Variants in CHSY3 observed in about 807,000 individuals in gnomAD.
The protein encoded by CHSY3 is chondroitin sulfate synthase 3.
Under a neutral mutation model 67.2 loss-of-function variants are expected in CHSY3, and 35 were observed. The ratio of observed to expected loss-of-function variants is 0.52; its 90% CI spans 0.40 to 0.69. CHSY3 has a LOEUF of 0.69. Ranked by LOEUF, CHSY3 falls within the 30% of genes least tolerant of loss-of-function variation. CHSY3 has a pLI of 0.00. For missense variants in CHSY3, 1,069 were observed against 1,138.5 expected, an observed-to-expected ratio of 0.94 and a Z score of 0.88; for synonymous variants, 474 against 434.7, an observed-to-expected ratio of 1.09 and a Z score of -1.12.
intron 2 of CHSY3, among the ~76,000 whole-genome samples, chr5:130,057,502 G>A (rs1170114698): frequency 6.6e-6 from 1 of 152,080 alleles, no homozygotes; most frequent in African/African-American, 2.4e-5. Flanking sequence ...GATGCTTTTA[G>A]AAGGAAAATC....
chr5:129,962,558 A>T (rs1445354615), intron 2 of CHSY3, among the ~76,000 whole-genome samples: 1 of 151,970 alleles, frequency 6.6e-6, no homozygotes, highest in Non-Finnish European at 1.5e-5. Context: ...TGTTTCCCAT[A>T]AAACACAATA....
At chr5:130,059,407 C>A (rs192897396) in intron 2 of CHSY3, among the ~76,000 whole-genome samples, 1 of 152,024 alleles carries the variant, frequency 6.6e-6, no homozygotes, top group African/African-American at 2.4e-5. Flanking sequence ...CTCTCTCTCT[C>A]GCTCTTCCTC....
intron 2 of CHSY3, among the ~76,000 whole-genome samples, chr5:130,044,790 C>T (rs1347000789): frequency 6.6e-6 from 1 of 151,936 alleles, no homozygotes; most frequent in Non-Finnish European, 1.5e-5. Context: ...TTACTGGAGG[C>T]GACAAAGTCA....
At chr5:130,133,796 GA>G (rs375900326) in intron 2 of CHSY3, among the ~76,000 whole-genome samples, 31,641 of 97,292 alleles carry the variant, frequency 0.33, 4,895 homozygotes, top group South Asian at 0.56. Flanking sequence ...AAAAAAAAAA[GA>G]AAAAAAAAAA....
Position 130,184,710 on chromosome 5 carries a change from A to G in CHSY3, c.1568A>G (p.Gln523Arg). 3 of 1,610,130 alleles carry G rather than the reference A, an allele frequency of 1.9e-6. No homozygotes were observed. The change falls in exon 3 of 3, where the codon CAG becomes CGG. Residue 523 changes from glutamine to arginine, a missense_variant. By Grantham distance (43) the Gln-to-Arg change is conservative. This residue lies in a region of CHSY3 where 401 missense variants were observed against 395.2 expected (regional missense o/e 1.01). Transcript: ENST00000305031. ...RGRLIDFKEIQYGYRRVNPMH... is the reference protein window; with the variant it reads ...RGRLIDFKEIRYGYRRVNPMH... ...CGGCTCATTGACTTCAAGGAAATTC[A>G]GTATGGCTACCGCAGAGTTAACCCC...
At chr5:129,939,595 A>G (rs1043893649) in intron 2 of CHSY3, among the ~76,000 whole-genome samples, 5 of 152,232 alleles carry the variant, frequency 3.3e-5, no homozygotes, top group Admixed American at 2.6e-4. Context: ...TCTCCAAATA[A>G]GAAATGAAAA....
chr5:130,086,912 A>C (rs555601941), intron 2 of CHSY3, among the ~76,000 whole-genome samples: 14 of 151,894 alleles, frequency 9.2e-5, no homozygotes, highest in South Asian at 4.1e-4. Flanking sequence ...GAGACACAAC[A>C]AAAAAAGAGA....
intron 2 of CHSY3, among the ~76,000 whole-genome samples, chr5:130,118,028 A>T (rs937109258): frequency 6.6e-6 from 1 of 152,048 alleles, no homozygotes; most frequent in African/African-American, 2.4e-5. Context: ...TTAAAAGAAC[A>T]TGCCACTCCC....
intron 2 of CHSY3, among the ~76,000 whole-genome samples, chr5:130,109,778 C>T (rs751052327): frequency 1.3e-5 from 2 of 151,702 alleles, no homozygotes; most frequent in Non-Finnish European, 3.0e-5. Context: ...TGGAATCTGA[C>T]AATTATCAAG....
At chr5:129,948,003 T>C (rs2149599127) in intron 2 of CHSY3, among the ~76,000 whole-genome samples, 2 of 152,328 alleles carry the variant, frequency 1.3e-5, no homozygotes, top group East Asian at 3.9e-4. Flanking sequence ...TATATTGTGA[T>C]ACTAGCCATT....
At chr5:129,964,166 GTT>G (rs1762409984) in intron 2 of CHSY3, among the ~76,000 whole-genome samples, 1 of 151,896 alleles carries the variant, frequency 6.6e-6, no homozygotes, top group East Asian at 1.9e-4. Flanking sequence ...GCTGGAAGTT[GTT>G]TTTAGAGAAG....
chr5:130,062,238 C>A (rs2149677170), intron 2 of CHSY3, among the ~76,000 whole-genome samples: 1 of 152,038 alleles, frequency 6.6e-6, no homozygotes, highest in Non-Finnish European at 1.5e-5. Flanking sequence ...GAAATAATTC[C>A]CTTTGCAGCA....
chr5:130,063,621 G>T (rs1765782115), intron 2 of CHSY3, among the ~76,000 whole-genome samples: 1 of 152,006 alleles, frequency 6.6e-6, no homozygotes, highest in Admixed American at 6.6e-5. Context: ...TTACGTCTTA[G>T]TGCATTTGTG....
chr5:129,954,948 A>C (rs1277294725), intron 2 of CHSY3, among the ~76,000 whole-genome samples: 1 of 152,116 alleles, frequency 6.6e-6, no homozygotes, highest in East Asian at 1.9e-4. Context: ...GGCTCACTGC[A>C]ACCTCTGTCT....
At chr5:130,000,146 G>T (rs1763677082) in intron 2 of CHSY3, among the ~76,000 whole-genome samples, 1 of 152,200 alleles carries the variant, frequency 6.6e-6, no homozygotes, top group Admixed American at 6.5e-5. Context: ...CAAAGATAAT[G>T]ATTATGGATA....
chr5:130,021,066 A>G (rs1272157533), intron 2 of CHSY3, among the ~76,000 whole-genome samples: 3 of 152,164 alleles, frequency 2.0e-5, no homozygotes, highest in Non-Finnish European at 4.4e-5. Context: ...TAAAAATTGG[A>G]GATGGGACCT....
chr5:130,179,560 A>C (rs978520463), intron 2 of CHSY3, among the ~76,000 whole-genome samples: 54 of 151,858 alleles, frequency 3.6e-4, no homozygotes, highest in African/African-American at 1.3e-3. Flanking sequence ...TTGTTCTTTG[A>C]GCTGACATTT....
chr5:129,970,922 T>A (rs572683290), intron 2 of CHSY3, among the ~76,000 whole-genome samples: 3 of 151,874 alleles, frequency 2.0e-5, no homozygotes, highest in Non-Finnish European at 4.4e-5. Context: ...TCAATGTAAA[T>A]GTCTCTACTA....
intron 2 of CHSY3, among the ~76,000 whole-genome samples, chr5:129,959,766 A>G (rs1349503806): frequency 6.6e-6 from 1 of 152,006 alleles, no homozygotes; most frequent in Non-Finnish European, 1.5e-5. Context: ...TTTTTTTCCG[A>G]TTACAGTTTT....
Sources: allele counts gnomAD v4.1 joint callset (sites outside exome capture counted in the v4.1 genomes callset), GRCh38; gene constraint gnomAD v4.1.1; regional missense constraint gnomAD v4.1.1; transcripts MANE v1.5; gene names NCBI Gene and HGNC (gene_info 2026-07-23, HGNC 2026-07-21).